Variants in ST3GAL3 observed in about 807,000 individuals in gnomAD.
The protein encoded by ST3GAL3 is ST3 beta-galactoside alpha-2,3-sialyltransferase 3, also known as CMP-N-acetylneuraminate-beta-1,4-galactoside alpha-2,3-sialyltransferase.
In ST3GAL3, 21 loss-of-function variants were observed where a neutral mutation model predicts 50.1. The ratio of observed to expected loss-of-function variants is 0.42; its 90% CI spans 0.30 to 0.60. The LOEUF is 0.60. ST3GAL3 is among the 20% of genes least tolerant of loss of function. The probability of loss-of-function intolerance (pLI) is 0.19; values close to 1 mark genes in which losing one functional copy is unlikely to be tolerated. For missense variants in ST3GAL3, 353 were observed against 489.4 expected (o/e 0.72, Z 2.63); for synonymous variants, 183 against 190.0 (o/e 0.96, Z 0.30).
At chr1:43,874,004 A>G (rs371651182) in intron 5 of ST3GAL3, among the ~76,000 whole-genome samples, 1 of 151,978 alleles carries the variant, frequency 6.6e-6, no homozygotes, top group East Asian at 1.9e-4. Flanking sequence ...AAGGAATGAG[A>G]AAGAGGAGTG....
At chr1:43,791,630 C>G (rs977755585) in intron 2 of ST3GAL3, among the ~76,000 whole-genome samples, 14 of 152,068 alleles carry the variant, frequency 9.2e-5, no homozygotes, top group Admixed American at 8.5e-4. Flanking sequence ...TTTTAAAATT[C>G]TAGTGTACAT....
At chr1:43,853,568 G>T (rs974841685) in intron 5 of ST3GAL3, among the ~76,000 whole-genome samples, 1 of 152,224 alleles carries the variant, frequency 6.6e-6, no homozygotes, top group Non-Finnish European at 1.5e-5. Context: ...GGGCAGGCTG[G>T]CTAGTGGCCA....
chr1:43,876,160 C>T (rs1045528658), intron 5 of ST3GAL3, among the ~76,000 whole-genome samples: 2 of 151,938 alleles, frequency 1.3e-5, no homozygotes, highest in South Asian at 2.1e-4. Context: ...GACAGGGTTT[C>T]GCCATGTTGC....
chr1:43,791,930 A>G (rs1036026536), intron 2 of ST3GAL3, among the ~76,000 whole-genome samples, 172 bp from the exon 3 acceptor site: 2 of 152,170 alleles, frequency 1.3e-5, no homozygotes, highest in African/African-American at 4.8e-5. Context: ...TGGGCTGGGC[A>G]GGGTCTCCTG....
intron 2 of ST3GAL3, among the ~76,000 whole-genome samples, chr1:43,784,541 C>A (rs7538822): frequency 0.02 from 2,994 of 152,136 alleles, 97 homozygotes; most frequent in African/African-American, 0.069. Context: ...AAAATAAACT[C>A]CCATAGCAAC....
At chr1:43,742,283 AC>A (rs1310603775) in intron 2 of ST3GAL3, among the ~76,000 whole-genome samples, 1 of 152,098 alleles carries the variant, frequency 6.6e-6, no homozygotes, top group Non-Finnish European at 1.5e-5. Flanking sequence ...TAAAGATCTT[AC>A]CCAAGAGTAA....
rs1388320751 is a variant in ST3GAL3 at position 43,765,743 on chromosome 1, CTGTGTGTGTCTGTGTGTGTG to C, written c.119-26349_119-26330del. Among the ~76,000 whole-genome samples the C allele has an allele frequency of 1.5e-3, 205 of 140,882 alleles. 4 individuals carry two copies. Among genetic ancestry groups the C allele is most frequent in the Middle Eastern group, 7.6e-3 (2 of 262 alleles). 92.4% of individuals were successfully genotyped at this position (140,882 alleles called of 152,430 possible). On this transcript the variant is annotated intron_variant, in intron 2 of 11. Coordinates refer to ENST00000347631, the MANE Select transcript of ST3GAL3 (RefSeq NM_006279.5). ...AACAATTTCATGTGCATGTGTGTGT[CTGTGTGTGTCTGTGTGTGTG>C]TGTGTGTGTGTGTGTGTGTGTGCGC...
chr1:43,815,025 TG>T, intron 4 of ST3GAL3, 92 bp downstream of exon 4: 1 of 1,312,688 alleles, frequency 7.6e-7, no homozygotes, highest in Non-Finnish European at 1.1e-6. Context: ...ATCACTCTTC[TG>T]GTGACTGGGG....
At chr1:43,714,996 C>T (rs1462816037) in intron 1 of ST3GAL3, among the ~76,000 whole-genome samples, 2 of 152,172 alleles carry the variant, frequency 1.3e-5, no homozygotes, top group Non-Finnish European at 2.9e-5. Context: ...CATAAATTTC[C>T]TCTTCCTTGA....
chr1:43,917,302 T>C (rs1348863289), intron 9 of ST3GAL3, among the ~76,000 whole-genome samples: 2 of 149,942 alleles, frequency 1.3e-5, no homozygotes, highest in Non-Finnish European at 2.9e-5. Flanking sequence ...CCATGCTTAT[T>C]AACCTTTTGT....
At chr1:43,823,827 G>C (rs964568679) in intron 4 of ST3GAL3, among the ~76,000 whole-genome samples, 3 of 152,178 alleles carry the variant, frequency 2.0e-5, no homozygotes, top group African/African-American at 7.2e-5. Flanking sequence ...TTTAACAAAT[G>C]TGAAAATGAT....
intron 4 of ST3GAL3, among the ~76,000 whole-genome samples, chr1:43,837,071 G>A (rs2064468079): frequency 6.6e-6 from 1 of 152,176 alleles, no homozygotes; most frequent in Admixed American, 6.5e-5. Flanking sequence ...GCAAGGCACT[G>A]GAGAGGGTAG....
At chr1:43,775,191 T>G (rs1696712469) in intron 2 of ST3GAL3, among the ~76,000 whole-genome samples, 1 of 152,142 alleles carries the variant, frequency 6.6e-6, no homozygotes, top group Admixed American at 6.6e-5. Context: ...TCTTCCTGAT[T>G]GCCAGAACCT....
intron 5 of ST3GAL3, chr1:43,858,420 A>G: frequency 1.0e-6 from 1 of 966,384 alleles, no homozygotes; most frequent in Non-Finnish European, 1.3e-6. Context: ...TTAGAAGCAC[A>G]GTCCCTGGTG....
chr1:43,788,699 C>G (rs909594701), intron 2 of ST3GAL3, among the ~76,000 whole-genome samples: 1 of 152,174 alleles, frequency 6.6e-6, no homozygotes, highest in African/African-American at 2.4e-5. Flanking sequence ...ATATTGACCA[C>G]TTTGTATGTA....
chr1:43,766,794 C>G (rs1693215822), intron 2 of ST3GAL3, among the ~76,000 whole-genome samples: 1 of 152,132 alleles, frequency 6.6e-6, no homozygotes, highest in East Asian at 1.9e-4. Context: ...GAGGTCTCTT[C>G]TGGAATTTCT....
intron 2 of ST3GAL3, among the ~76,000 whole-genome samples, chr1:43,787,380 A>G (rs764171735): frequency 6.6e-6 from 1 of 152,286 alleles, no homozygotes; most frequent in Non-Finnish European, 1.5e-5. Flanking sequence ...GTTAGCTGTC[A>G]AAGTGGTTTA....
intron 5 of ST3GAL3, among the ~76,000 whole-genome samples, chr1:43,865,488 A>T (rs1295728454): frequency 6.6e-6 from 1 of 152,102 alleles, no homozygotes. Flanking sequence ...TTCCTCTATT[A>T]TTAATTTTAT....
intron 9 of ST3GAL3, chr1:43,913,093 C>T (rs982328942): frequency 6.6e-6 from 1 of 152,360 alleles, no homozygotes; most frequent in African/African-American, 2.4e-5. Flanking sequence ...TCTCCAGCAG[C>T]AGGCAGACCT....
Sources: gnomAD v4.1 joint callset for allele counts (sites outside exome capture counted in the v4.1 genomes callset) on GRCh38, gnomAD v4.1.1 for gene constraint, MANE v1.5 for transcripts, NCBI Gene and HGNC (gene_info 2026-07-23, HGNC 2026-07-21) for gene names.